Variants in KCNJ2 observed in about 807,000 individuals in gnomAD.
KCNJ2 encodes the protein inward rectifier potassium channel 2.
Under a neutral mutation model 28.4 loss-of-function variants are expected in KCNJ2, and 12 were observed. That is an observed-to-expected ratio of 0.42 (90% CI 0.27 to 0.68). The LOEUF is 0.68. Ranked by LOEUF, KCNJ2 falls within the 30% of genes least tolerant of loss-of-function variation. KCNJ2 has a pLI of 0.23. For synonymous variants in KCNJ2, 200 were observed against 203.2 expected (o/e 0.98, Z 0.13); for missense variants, 320 against 551.3 (o/e 0.58, Z 4.20).
rs1196263267 is a variant in KCNJ2, at chr17:70,175,690, T to G, written c.651T>G (p.Leu217=). 3 of 1,614,212 alleles carry G rather than the reference T, an allele frequency of 1.9e-6. No individual in the cohort carries two copies. The highest frequency in any genetic ancestry group is 2.5e-6 in the Non-Finnish European group (3 of 1,180,032). ...GTTTGATGTGGCGAGTGGGCAATCT[T>G]CGGAAAAGCCACTTGGTGGAAGCTC... The part of the protein sequence containing the change: ...KLCLMWRVGN[L]RKSHLVEAHV... The change falls in exon 2 of 2, where the codon CTT becomes CTG. Residue 217 remains leucine (L), a synonymous_variant. Transcript: ENST00000243457. The surrounding 1 kb of genome is among the most constrained non-coding windows in gnomAD (Gnocchi z 8.3).
Position 70,175,160 on chromosome 17 carries a change from C to A in KCNJ2, c.121C>A (p.Gln41Lys). Residue 41 changes from glutamine (Q) to lysine (K), a missense_variant, in exon 2 of 2, where the codon CAA becomes AAA. Gln to Lys is a moderately conservative substitution (Grantham distance 53, BLOSUM62 1). Transcript: ENST00000243457. This position sits in a 1 kb window ranked among gnomAD's most constrained non-coding sequence, Gnocchi z 8.3. ...CGGGAAGAGTAAAGTCCACACCCGA[C>A]AACAGTGCAGGAGCCGCTTTGTGAA... is the stretch of plus-strand genomic sequence containing the variant. ...GNGKSKVHTR[Q>K]QCRSRFVKKD... The A allele has an allele frequency of 6.2e-7, 1 of 1,614,168 alleles. No individual in the cohort carries two copies. The highest frequency in any genetic ancestry group is 8.5e-7 in the Non-Finnish European group (1 of 1,180,030).
chr17:70,174,264 A>G lies in KCNJ2; in HGVS notation c.-216-560A>G, dbSNP rs545739884. ...TCTTCCTCTAGCATTTCGTCAGCCT[A>G]TCCGGTCTGCTCAGTTATATCATTT... On this transcript the variant is annotated intron_variant, in intron 1 of 1. Transcript: ENST00000243457. 3.9e-5 allele frequency among the ~76,000 whole-genome samples: 6 copies of G among 152,310 alleles called. No individual in the cohort carries two copies. The East Asian group carries it at 1.2e-3, about 29-fold the overall frequency.
Position 70,175,456 on chromosome 17 carries a change from C to A in KCNJ2, c.417C>A (p.Thr139=), listed in dbSNP as rs572394146. ...FTAAFLFSIE[T]QTTIGYGFRC... is the part of the protein sequence containing the mutation. ...CTGCCTTCCTCTTCTCCATTGAGAC[C>A]CAGACAACCATAGGCTATGGTTTCA... The change falls in exon 2 of 2, where the codon ACC becomes ACA. Residue 139 remains threonine (T), a synonymous_variant. Transcript: ENST00000243457. The surrounding 1 kb of genome is among the most constrained non-coding windows in gnomAD (Gnocchi z 8.3). 9.3e-6 allele frequency: 15 copies of A among 1,613,994 alleles called. No homozygotes were observed. Among genetic ancestry groups the A allele is most frequent in the Non-Finnish European group, 1.2e-5 (14 of 1,180,046 alleles).
intron 1 of KCNJ2, among the ~76,000 whole-genome samples, chr17:70,174,534 A>G (rs753434931): frequency 6.6e-6 from 1 of 152,176 alleles, no homozygotes; most frequent in Non-Finnish European, 1.5e-5. Flanking sequence ...AGACCTGAAC[A>G]ATAGAATATT....
rs2074393637 is a variant in KCNJ2 at position 70,176,386 on chromosome 17, A to C, written c.*63A>C. ...ACGGTCTGTTGGTCAGAGGCCCAAAACAGTTATACAGATGACGGTACTGGT... is the reference window on the plus strand; with the variant it reads ...ACGGTCTGTTGGTCAGAGGCCCAAACCAGTTATACAGATGACGGTACTGGT... On this transcript the variant is annotated 3_prime_UTR_variant, in exon 2 of 2. Coordinates refer to ENST00000243457, the MANE Select transcript of KCNJ2 (RefSeq NM_000891.3). 1 of 1,446,492 alleles carries C rather than the reference A, an allele frequency of 6.9e-7. No individual in the cohort carries two copies. Among genetic ancestry groups the C allele is most frequent in the African/African-American group, 1.4e-5 (1 of 71,694 alleles). 89.6% of individuals were successfully genotyped at this position (1,446,492 alleles called of 1,614,324 possible).
chr17:70,174,954 A>C lies in KCNJ2; in HGVS notation c.-86A>C, dbSNP rs2074383366. 7.5e-7 allele frequency: 1 copy of C among 1,340,816 alleles called. No individual in the cohort carries two copies. The highest frequency in any genetic ancestry group is 1.4e-5 in the African/African-American group (1 of 69,188). 83.1% of individuals were successfully genotyped at this position (1,340,816 alleles called of 1,614,324 possible). On this transcript the variant is annotated 5_prime_UTR_variant, in exon 2 of 2. Transcript: ENST00000243457. ...TTTTTTGGTGTGTGTGTCTTCACCG[A>C]ACATTCAAAACTGTTTCTCCAAAGC... is the stretch of plus-strand genomic sequence containing the variant.
At position 70,178,141 on chromosome 17, in the gene KCNJ2, T is replaced by C. The variant is rs940747658; in HGVS notation, c.*1818T>C. ...TCTCTTATGGTATTATATCTCTGTATGCCATTAAAAAACAGCTTGTTCTAG... is the reference window on the plus strand; with the variant it reads ...TCTCTTATGGTATTATATCTCTGTACGCCATTAAAAAACAGCTTGTTCTAG... On this transcript the variant is annotated 3_prime_UTR_variant, in exon 2 of 2. Coordinates refer to ENST00000243457, the MANE Select transcript of KCNJ2 (RefSeq NM_000891.3). 2 of 166,882 alleles carry C rather than the reference T, an allele frequency of 1.2e-5. No homozygotes were observed. The highest frequency in any genetic ancestry group is 2.9e-5 in the Non-Finnish European group (2 of 68,096). 10.3% of individuals were successfully genotyped at this position (166,882 alleles called of 1,614,324 possible). A position where few individuals can be genotyped will look rare whatever the true frequency, so the allele number is the denominator to read the frequency against.
chr17:70,170,329 A>G (rs1304462108), intron 1 of KCNJ2, among the ~76,000 whole-genome samples: 3 of 152,022 alleles, frequency 2.0e-5, no homozygotes, highest in East Asian at 3.9e-4. Flanking sequence ...CCAATTTGTT[A>G]TTTTCAGTAA....
Position 70,176,962 on chromosome 17 carries a change from G to GGTT in KCNJ2, c.*646_*648dup, listed in dbSNP as rs397705636. 0.057 allele frequency: 9,608 copies of GGTT among 167,794 alleles called. 1,013 individuals carry two copies. The highest frequency in any genetic ancestry group is 0.22 in the African/African-American group (9,069 of 41,360). The allele number at this position is 167,794 out of a possible 1,614,324, so 10.4% of individuals were successfully genotyped here. A position where few individuals can be genotyped will look rare whatever the true frequency, so the allele number is the denominator to read the frequency against. ...AACACTAGCCGAATGGTAGCCTCTG[G>GGTT]GTTGTTGTTTTTTTCTTTTCCTCCA... On this transcript the variant is annotated 3_prime_UTR_variant, in exon 2 of 2. Transcript: ENST00000243457.
At chr17:70,174,633 G>A (rs181243549) in intron 1 of KCNJ2, among the ~76,000 whole-genome samples, 191 bp from the exon 2 acceptor site, 1 of 152,262 alleles carries the variant, frequency 6.6e-6, no homozygotes, top group East Asian at 1.9e-4. Flanking sequence ...TATGTTTAAC[G>A]ACTTTATGCT....
chr17:70,170,135 T>G (rs1337942395), intron 1 of KCNJ2, among the ~76,000 whole-genome samples: 1 of 150,536 alleles, frequency 6.6e-6, no homozygotes, highest in East Asian at 1.9e-4. Flanking sequence ...TGGCAAAGCT[T>G]GGGACTCAGC....
chr17:70,176,407 C>A lies in KCNJ2; in HGVS notation c.*84C>A. Reference sequence around the variant, plus strand: ...CAAAACAGTTATACAGATGACGGTACTGGTCAAGATGGGTCAAGCAAGCGG... The same window carrying A: ...CAAAACAGTTATACAGATGACGGTAATGGTCAAGATGGGTCAAGCAAGCGG... On this transcript the variant is annotated 3_prime_UTR_variant, in exon 2 of 2. Coordinates refer to ENST00000243457, the MANE Select transcript of KCNJ2 (RefSeq NM_000891.3). The A allele has an allele frequency of 7.6e-7, 1 of 1,312,906 alleles. No individual in the cohort carries two copies. Among genetic ancestry groups the A allele is most frequent in the Non-Finnish European group, 1.1e-6 (1 of 908,608 alleles). 81.3% of individuals were successfully genotyped at this position (1,312,906 alleles called of 1,614,324 possible). A position where few individuals can be genotyped will look rare whatever the true frequency, so the allele number is the denominator to read the frequency against.
At chr17:70,171,376 G>C (rs987051958) in intron 1 of KCNJ2, among the ~76,000 whole-genome samples, 3 of 152,076 alleles carry the variant, frequency 2.0e-5, no homozygotes, top group African/African-American at 7.2e-5. Flanking sequence ...TCTATATGGC[G>C]TCAGCTGGGG....
rs913851832 is a variant in KCNJ2, at chr17:70,178,831, G to A, written c.*2508G>A. On this transcript the variant is annotated 3_prime_UTR_variant, in exon 2 of 2. Transcript: ENST00000243457. ...GATATTTTCATATTTAAAGCCAAAT[G>A]TAAATAGAGGTCTGTAAAGAAAAAT... The A allele has an allele frequency of 6.0e-5, 10 of 167,018 alleles. No individual in the cohort carries two copies. The East Asian group carries it at 1.3e-3, about 23-fold the overall frequency. 10.3% of individuals were successfully genotyped at this position (167,018 alleles called of 1,614,324 possible).
Position 70,175,176 on chromosome 17 carries a change from G to C in KCNJ2, c.137G>C (p.Arg46Pro). The change falls in exon 2 of 2, where the codon CGC (arginine) becomes CCC (proline). Residue 46 changes from arginine (R) to proline (P), a missense_variant. Transcript: ENST00000243457. The surrounding 1 kb of genome is among the most constrained non-coding windows in gnomAD (Gnocchi z 8.3). The stretch of plus-strand genomic sequence containing the variant: ...CACACCCGACAACAGTGCAGGAGCC[G>C]CTTTGTGAAGAAAGATGGCCACTGT... ...KVHTRQQCRS[R>P]FVKKDGHCNV... 1 of 1,614,184 alleles carries C rather than the reference G, an allele frequency of 6.2e-7. No homozygotes were observed. Among genetic ancestry groups the C allele is most frequent in the Non-Finnish European group, 8.5e-7 (1 of 1,180,050 alleles).
intron 1 of KCNJ2, 117 bp from the exon 2 acceptor site, chr17:70,174,707 T>A (rs985874785): frequency 3.1e-6 from 1 of 327,630 alleles, no homozygotes; most frequent in African/African-American, 2.1e-5. Flanking sequence ...TATAATTTAA[T>A]GTAAATTATA....
chr17:70,174,228 G>A (rs2074379392), intron 1 of KCNJ2, among the ~76,000 whole-genome samples: 1 of 152,118 alleles, frequency 6.6e-6, no homozygotes. Flanking sequence ...TTGTAGGTGG[G>A]AATCTGACTT....
chr17:70,172,017 T>C (rs1598209795), intron 1 of KCNJ2, among the ~76,000 whole-genome samples: 1 of 152,290 alleles, frequency 6.6e-6, no homozygotes, highest in Middle Eastern at 3.4e-3. Flanking sequence ...CCTGTTTTTT[T>C]AATGATAGCT....
intron 1 of KCNJ2, among the ~76,000 whole-genome samples, chr17:70,171,449 A>G (rs1049276851): frequency 3.3e-5 from 5 of 152,330 alleles, no homozygotes; most frequent in African/African-American, 7.2e-5. Flanking sequence ...TTCTTTTGCT[A>G]TCTTTATTTC....
Sources: allele counts gnomAD v4.1 joint callset (sites outside exome capture counted in the v4.1 genomes callset), GRCh38; gene constraint gnomAD v4.1.1; non-coding constraint Gnocchi (gnomAD v3.1); transcripts MANE v1.5; gene names NCBI Gene and HGNC (gene_info 2026-07-23, HGNC 2026-07-21).